Variants in RANBP17 observed in about 807,000 individuals in gnomAD.
RANBP17 encodes the protein ran-binding protein 17.
RANBP17 carries 158 observed loss-of-function variants against 141.2 expected under a neutral mutation model. That is an observed-to-expected ratio of 1.12 (90% CI 0.98 to 1.28). The LOEUF is 1.28. RANBP17 is among the 50% of genes most tolerant of loss of function. The pLI, the probability that RANBP17 is intolerant of heterozygous loss-of-function variation, is 0.00. For synonymous variants in RANBP17, 430 were observed against 450.0 expected, an observed-to-expected ratio of 0.96 and a Z score of 0.56; for missense variants, 1,438 against 1,290.7, an observed-to-expected ratio of 1.11 and a Z score of -1.75.
chr5:171,254,200 T>A (rs1322495027), intron 24 of RANBP17, among the ~76,000 whole-genome samples: 1 of 147,298 alleles, frequency 6.8e-6, no homozygotes, highest in Non-Finnish European at 1.5e-5. Flanking sequence ...TGAGACGAGA[T>A]CATGTCACTG....
intron 27 of RANBP17, among the ~76,000 whole-genome samples, chr5:171,298,372 G>C (rs908519139): frequency 2.4e-4 from 36 of 152,326 alleles, no homozygotes; most frequent in African/African-American, 7.9e-4. Context: ...GGGAAGACTT[G>C]TGATGACTAA....
At chr5:171,083,942 G>T (rs933355298) in intron 14 of RANBP17, among the ~76,000 whole-genome samples, 1 of 143,790 alleles carries the variant, frequency 7.0e-6, no homozygotes, top group Non-Finnish European at 1.5e-5. Flanking sequence ...TTTGTAAATT[G>T]CCCAGTTGTG....
At chr5:171,056,089 A>G (rs245749) in intron 14 of RANBP17, among the ~76,000 whole-genome samples, 92,899 of 151,876 alleles carry the variant, frequency 0.61, 29,776 homozygotes, top group South Asian at 0.88. Flanking sequence ...AAATCTTCTT[A>G]ACTCTGAAAA....
At chr5:170,971,879 A>T (rs1561945003) in intron 14 of RANBP17, among the ~76,000 whole-genome samples, 1 of 152,000 alleles carries the variant, frequency 6.6e-6, no homozygotes, top group Admixed American at 6.6e-5. Context: ...CCACTGGAGT[A>T]TTTTTTTATT....
Position 170,892,563 on chromosome 5 carries a change from C to T in RANBP17, c.423+10C>T. 6.2e-7 allele frequency: 1 copy of T among 1,609,504 alleles called. No individual in the cohort carries two copies. Among genetic ancestry groups the T allele is most frequent in the Non-Finnish European group, 8.5e-7 (1 of 1,177,500 alleles). On this transcript the variant is annotated intron_variant, in intron 4 of 27. Coordinates refer to ENST00000523189, the MANE Select transcript of RANBP17 (RefSeq NM_022897.5). ...GAAGAAGTTTCTCCAGGTAAGAAGTCATTGCTACATGGTTAGAACATCACT... is the reference window on the plus strand; with the variant it reads ...GAAGAAGTTTCTCCAGGTAAGAAGTTATTGCTACATGGTTAGAACATCACT...
In RANBP17 at chr5:170,961,802, A is replaced by T. The variant is rs1335570179; in HGVS notation, c.1575-6440A>T. 1.3e-4 allele frequency among the ~76,000 whole-genome samples: 20 copies of T among 152,224 alleles called. 1 individual carries two copies. Among genetic ancestry groups the T allele is most frequent in the Admixed American group, 1.3e-3 (20 of 15,286 alleles). On this transcript the variant is annotated intron_variant, in intron 13 of 27. Transcript: ENST00000523189. ...GTCTTATACACTTGTTAGAGGTGGCAGCACATCTTCAGAGGGCACTGTGGT... is the reference window on the plus strand; with the variant it reads ...GTCTTATACACTTGTTAGAGGTGGCTGCACATCTTCAGAGGGCACTGTGGT...
At chr5:170,933,427 G>A (rs1054905539) in intron 12 of RANBP17, among the ~76,000 whole-genome samples, 3 of 152,018 alleles carry the variant, frequency 2.0e-5, no homozygotes, top group African/African-American at 7.2e-5. Flanking sequence ...GTTCTGCTCT[G>A]ATCTTAGTTA....
chr5:171,220,121 G>GT (rs1763462591), intron 21 of RANBP17, among the ~76,000 whole-genome samples: 1 of 152,126 alleles, frequency 6.6e-6, no homozygotes, highest in South Asian at 2.1e-4. Context: ...GTTGCTTTCT[G>GT]TTTGTTAGTT....
At chr5:171,186,363 G>T (rs1761235828) in intron 18 of RANBP17, among the ~76,000 whole-genome samples, 1 of 151,938 alleles carries the variant, frequency 6.6e-6, no homozygotes, top group African/African-American at 2.4e-5. Flanking sequence ...TGCACTCTTA[G>T]GTTATGGAGG....
intron 1 of RANBP17, among the ~76,000 whole-genome samples, chr5:170,869,309 T>G (rs1581655304): frequency 6.7e-6 from 1 of 149,318 alleles, no homozygotes; most frequent in African/African-American, 2.4e-5. Flanking sequence ...ATTACTTTTC[T>G]AGGGCTCACA....
intron 14 of RANBP17, among the ~76,000 whole-genome samples, chr5:171,120,741 A>T (rs746883441): frequency 6.6e-6 from 1 of 152,126 alleles, no homozygotes; most frequent in Non-Finnish European, 1.5e-5. Context: ...TTACTGGTGA[A>T]TTATTGTATT....
In RANBP17 at chr5:171,046,752, T is replaced by G. The variant is rs183759486; in HGVS notation, c.1710+78375T>G. 3.9e-4 allele frequency among the ~76,000 whole-genome samples: 60 copies of G among 152,244 alleles called. No individual in the cohort carries two copies. In the East Asian group the frequency reaches 0.011, roughly 28 times the overall value. On this transcript the variant is annotated intron_variant, in intron 14 of 27. Coordinates refer to ENST00000523189, the MANE Select transcript of RANBP17 (RefSeq NM_022897.5). The stretch of plus-strand genomic sequence containing the variant: ...GATTGCAATTTGCCTTCCAAGAAGA[T>G]TGAAGCAGTTTGAACCTCACTCCAT...
Position 170,924,397 on chromosome 5 carries a change from T to C in RANBP17, c.1315T>C (p.Phe439Leu), listed in dbSNP as rs1364311279. 3.1e-6 allele frequency: 5 copies of C among 1,607,160 alleles called. No individual in the cohort carries two copies. The highest frequency in any genetic ancestry group is 4.3e-6 in the Non-Finnish European group (5 of 1,174,424). Reference protein sequence around the residue: ...DDPLDDTATVFQQLEQLCTVS... With the variant: ...DDPLDDTATVLQQLEQLCTVS... ...TCCACTGGATGATACTGCCACTGTG[T>C]TTCAGCAGTTGGAGCAGTTGTGCAC... The change falls in exon 12 of 28, where the codon TTT becomes CTT. Residue 439 changes from phenylalanine (F) to leucine (L), a missense_variant. Physicochemically the swap from Phe to Leu is conservative, Grantham distance 22 (BLOSUM62 0). Transcript: ENST00000523189.
At chr5:171,215,812 G>A (rs2127975330) in intron 21 of RANBP17, among the ~76,000 whole-genome samples, 1 of 151,710 alleles carries the variant, frequency 6.6e-6, no homozygotes, top group Non-Finnish European at 1.5e-5. Context: ...TTAGACCATT[G>A]TCAGATGAGT....
At chr5:171,114,433 A>G (rs1475174920) in intron 14 of RANBP17, among the ~76,000 whole-genome samples, 1 of 152,064 alleles carries the variant, frequency 6.6e-6, no homozygotes, top group African/African-American at 2.4e-5. Context: ...CCAGAATATC[A>G]TGATTCTGGT....
At chr5:171,012,649 A>AAAT (rs1780136235) in intron 14 of RANBP17, among the ~76,000 whole-genome samples, 1 of 152,198 alleles carries the variant, frequency 6.6e-6, no homozygotes, top group Admixed American at 6.6e-5. Context: ...TTCAGTGGTC[A>AAAT]TACCCAAAGA....
At chr5:170,877,646 C>T (rs1000921053) in intron 1 of RANBP17, among the ~76,000 whole-genome samples, 1 of 152,194 alleles carries the variant, frequency 6.6e-6, no homozygotes. Context: ...TCTCCCTAAC[C>T]TCATCTGGTA....
At chr5:170,926,569 A>G (rs1772938471) in intron 12 of RANBP17, among the ~76,000 whole-genome samples, 1 of 152,118 alleles carries the variant, frequency 6.6e-6, no homozygotes. Context: ...TTTGAATTGT[A>G]AATATCACTC....
intron 14 of RANBP17, among the ~76,000 whole-genome samples, chr5:171,090,798 G>A (rs1786198023): frequency 6.6e-6 from 1 of 152,222 alleles, no homozygotes; most frequent in African/African-American, 2.4e-5. Context: ...GAGGGTGGAA[G>A]CCCCAAGCCT....
Sources: gnomAD v4.1 joint callset for allele counts (sites outside exome capture counted in the v4.1 genomes callset) on GRCh38, gnomAD v4.1.1 for gene constraint, MANE v1.5 for transcripts, NCBI Gene and HGNC (gene_info 2026-07-23, HGNC 2026-07-21) for gene names.